Variants in RIMS1 observed in about 807,000 individuals in gnomAD.
RIMS1 encodes the protein regulating synaptic membrane exocytosis protein 1.
Under a neutral mutation model 214.1 loss-of-function variants are expected in RIMS1, and 83 were observed. That is an observed-to-expected ratio of 0.39 (90% CI 0.32 to 0.47). The LOEUF is 0.47. Among genes scored for constraint, RIMS1 ranks in the 20% least tolerant of loss-of-function variants. The pLI, the probability that RIMS1 is intolerant of heterozygous loss-of-function variation, is 0.99. For missense variants in RIMS1, 2,050 were observed against 2,161.8 expected, an observed-to-expected ratio of 0.95 and a Z score of 1.03; for synonymous variants, 793 against 786.8, an observed-to-expected ratio of 1.01 and a Z score of -0.13.
chr6:71,998,289 T>G (rs1804094600), intron 2 of RIMS1, among the ~76,000 whole-genome samples: 1 of 152,176 alleles, frequency 6.6e-6, no homozygotes, highest in Admixed American at 6.5e-5. Flanking sequence ...TGTGCATGGG[T>G]GGCTGTCCCC....
chr6:72,371,361 C>T lies in RIMS1; in HGVS notation c.4367-19237C>T, dbSNP rs577485281. Among the ~76,000 whole-genome samples, 107 of 152,300 alleles carry T rather than the reference C, an allele frequency of 7.0e-4. 1 individual carries two copies. The highest frequency in any genetic ancestry group is 2.4e-3 in the African/African-American group (100 of 41,556). ...ATTACTCTGGTAAAATAACAGTACT[C>T]TCCTGGAGAAACATGATTTCTGCAG... On this transcript the variant is annotated intron_variant, in intron 29 of 33. Coordinates refer to ENST00000521978, the MANE Select transcript of RIMS1 (RefSeq NM_014989.7).
At chr6:72,205,277 T>G (rs941089456) in intron 6 of RIMS1, among the ~76,000 whole-genome samples, 3 of 152,006 alleles carry the variant, frequency 2.0e-5, no homozygotes, top group African/African-American at 7.2e-5. Flanking sequence ...AAGAAAGAAA[T>G]AAAGCAACAT....
rs373907189 is a variant in RIMS1, at chr6:72,100,584, A to G, written c.471+598A>G. ...ACAGAGGCTCTTTGTGCCTGGGAAG[A>G]TAGGCTCCAAGTAGAATGTTCAGTC... On this transcript the variant is annotated intron_variant, in intron 4 of 33. Coordinates refer to ENST00000521978, the MANE Select transcript of RIMS1 (RefSeq NM_014989.7). Among the ~76,000 whole-genome samples, 8 of 135,170 alleles carry G rather than the reference A, an allele frequency of 5.9e-5. No individual in the cohort carries two copies. The East Asian group carries it at 1.1e-3, about 18-fold the overall frequency. The allele number at this position is 135,170 out of a possible 152,430, so 88.7% of individuals were successfully genotyped here. A position where few individuals can be genotyped will look rare whatever the true frequency, so the allele number is the denominator to read the frequency against.
intron 2 of RIMS1, among the ~76,000 whole-genome samples, chr6:71,988,273 G>T (rs1470308723): frequency 6.6e-6 from 1 of 152,082 alleles, no homozygotes; most frequent in Non-Finnish European, 1.5e-5. Flanking sequence ...GCTTTACTGA[G>T]TCTGAATCCT....
chr6:72,361,973 A>ATTGTC (rs1369999635), intron 29 of RIMS1, among the ~76,000 whole-genome samples: 1 of 96,134 alleles, frequency 1.0e-5, no homozygotes, highest in African/African-American at 4.6e-5. Context: ...CCATTACTGT[A>ATTGTC]TTGTATTGTA....
At chr6:71,937,251 T>A (rs1266688832) in intron 1 of RIMS1, among the ~76,000 whole-genome samples, 1 of 152,136 alleles carries the variant, frequency 6.6e-6, no homozygotes, top group Non-Finnish European at 1.5e-5. Flanking sequence ...AGATGGAAAT[T>A]TTTTTTAATT....
At chr6:72,119,802 A>G (rs2348947) in intron 4 of RIMS1, among the ~76,000 whole-genome samples, 53,755 of 150,242 alleles carry the variant, frequency 0.36, 10,942 homozygotes, top group Non-Finnish European at 0.45. Flanking sequence ...TCCTTCCCCC[A>G]CTCCCCCAAC....
At chr6:72,184,904 C>T (rs1000715905) in intron 6 of RIMS1, among the ~76,000 whole-genome samples, 1 of 152,138 alleles carries the variant, frequency 6.6e-6, no homozygotes, top group African/African-American at 2.4e-5. Context: ...AAACTATTAA[C>T]CCCCTGAGTG....
At chr6:72,231,023 G>A (rs1245284862) in intron 6 of RIMS1, among the ~76,000 whole-genome samples, 1 of 151,526 alleles carries the variant, frequency 6.6e-6, no homozygotes, top group Non-Finnish European at 1.5e-5. Flanking sequence ...TTATCATTTT[G>A]CAGCTATGCC....
chr6:72,076,620 G>A (rs1831956131), intron 2 of RIMS1, among the ~76,000 whole-genome samples: 2 of 152,162 alleles, frequency 1.3e-5, no homozygotes, highest in South Asian at 2.1e-4. Context: ...GGTTAAAGGA[G>A]GTAGAGTAAT....
In RIMS1 at chr6:71,986,330, G is replaced by A. The variant is rs192407548; in HGVS notation, c.245+17267G>A. ...TTTGTTTTAATAATATGCATACCAT[G>A]ATTTTTCTTATTCCTCGTCTGACTG... On this transcript the variant is annotated intron_variant, in intron 2 of 33. Coordinates refer to ENST00000521978, the MANE Select transcript of RIMS1 (RefSeq NM_014989.7). Among the ~76,000 whole-genome samples the A allele has an allele frequency of 3.6e-3, 544 of 151,884 alleles. 3 individuals are homozygous for A. Among genetic ancestry groups the A allele is most frequent in the Admixed American group, 7.9e-3 (120 of 15,250 alleles).
chr6:71,969,731 C>G (rs577375768), intron 2 of RIMS1, among the ~76,000 whole-genome samples: 1 of 152,088 alleles, frequency 6.6e-6, no homozygotes, highest in Non-Finnish European at 1.5e-5. Flanking sequence ...ATCACCTGAA[C>G]CTGTGAGGTG....
At chr6:72,370,509 A>G (rs1269538121) in intron 29 of RIMS1, among the ~76,000 whole-genome samples, 2 of 152,184 alleles carry the variant, frequency 1.3e-5, no homozygotes, top group African/African-American at 4.8e-5. Context: ...GAGAGATGCT[A>G]ACTTGATCCC....
intron 2 of RIMS1, among the ~76,000 whole-genome samples, chr6:72,007,192 C>T (rs779805896): frequency 6.6e-6 from 1 of 152,252 alleles, no homozygotes; most frequent in Admixed American, 6.5e-5. Flanking sequence ...GCAGCCTCCG[C>T]TGCTGATACC....
intron 6 of RIMS1, among the ~76,000 whole-genome samples, chr6:72,224,207 A>G (rs546784549): frequency 1.3e-5 from 2 of 152,326 alleles, no homozygotes; most frequent in African/African-American, 4.8e-5. Context: ...AGTGTGTTCC[A>G]GGTGCATGGT....
At chr6:72,243,541 A>G (rs891761890) in intron 10 of RIMS1, among the ~76,000 whole-genome samples, 2 of 151,784 alleles carry the variant, frequency 1.3e-5, no homozygotes, top group African/African-American at 4.8e-5. Flanking sequence ...GCTGAGGTAA[A>G]TATAAGGCTG....
chr6:72,100,869 C>A (rs2033388858), intron 4 of RIMS1, among the ~76,000 whole-genome samples: 1 of 151,914 alleles, frequency 6.6e-6, no homozygotes, highest in Non-Finnish European at 1.5e-5. Flanking sequence ...GAACATTAAT[C>A]TGTGTTTCTA....
Position 72,291,939 on chromosome 6 carries a change from A to C in RIMS1, c.3743A>C (p.His1248Pro). ...GCTTTGCTTTTTGCCTGCAGAATGCACCGACAGAGAAGTCCAACACAATCT... is the reference window on the plus strand; with the variant it reads ...GCTTTGCTTTTTGCCTGCAGAATGCCCCGACAGAGAAGTCCAACACAATCT... ...APPSPLLTRMHRQRSPTQSPP... is the reference protein window; with the variant it reads ...APPSPLLTRMPRQRSPTQSPP... The change falls in exon 26 of 34, where the codon CAC (histidine) becomes CCC (proline). Residue 1248 changes from histidine to proline, a missense_variant. This residue lies in a region of RIMS1 where 889 missense variants were observed against 885.5 expected (regional missense o/e 1.00). Coordinates refer to ENST00000521978, the MANE Select transcript of RIMS1 (RefSeq NM_014989.7). 1 of 1,557,192 alleles carries C rather than the reference A, an allele frequency of 6.4e-7. No individual in the cohort carries two copies. The highest frequency in any genetic ancestry group is 2.4e-5 in the East Asian group (1 of 41,234).
At chr6:71,952,789 G>A (rs373106986) in intron 1 of RIMS1, among the ~76,000 whole-genome samples, 6 of 152,232 alleles carry the variant, frequency 3.9e-5, no homozygotes, top group African/African-American at 1.4e-4. Flanking sequence ...GACAGCTGGA[G>A]GGTCCCTGCT....
Sources: allele counts gnomAD v4.1 joint callset (sites outside exome capture counted in the v4.1 genomes callset), GRCh38; gene constraint gnomAD v4.1.1; regional missense constraint gnomAD v4.1.1; transcripts MANE v1.5; gene names NCBI Gene and HGNC (gene_info 2026-07-23, HGNC 2026-07-21).